Variants in CDYL2 observed in about 807,000 individuals in gnomAD.
CDYL2 encodes chromodomain Y like 2.
CDYL2 carries 23 observed loss-of-function variants against 49.4 expected under a neutral mutation model. That is an observed-to-expected ratio of 0.47 (90% CI 0.34 to 0.66). The LOEUF is 0.66. CDYL2 is among the 30% of genes least tolerant of loss of function. The pLI, the probability that CDYL2 is intolerant of heterozygous loss-of-function variation, is 0.01. For synonymous variants in CDYL2, 360 were observed against 268.8 expected (o/e 1.34, Z -3.32); for missense variants, 678 against 656.4 (o/e 1.03, Z -0.36).
At chr16:80,618,864 G>C (rs1906949166) in intron 4 of CDYL2, among the ~76,000 whole-genome samples, 1 of 152,264 alleles carries the variant, frequency 6.6e-6, no homozygotes, top group African/African-American at 2.4e-5. Flanking sequence ...AGCCTGAAAA[G>C]ATGGGGCTCT....
At chr16:80,766,665 A>T (rs1297298741) in intron 1 of CDYL2, among the ~76,000 whole-genome samples, 1 of 152,226 alleles carries the variant, frequency 6.6e-6, no homozygotes, top group East Asian at 1.9e-4. Context: ...GTCTGAGATG[A>T]CACAACTAAT....
intron 1 of CDYL2, among the ~76,000 whole-genome samples, chr16:80,726,382 A>T (rs1044024452): frequency 6.6e-6 from 1 of 152,238 alleles, no homozygotes; most frequent in African/African-American, 2.4e-5. Context: ...ATCCTACTGT[A>T]ATTTACTATA....
chr16:80,666,357 T>A (rs905220564), intron 2 of CDYL2, among the ~76,000 whole-genome samples: 2 of 152,216 alleles, frequency 1.3e-5, no homozygotes, highest in East Asian at 1.9e-4. Context: ...TATGTTACCA[T>A]CAAGGCAGGT....
intron 2 of CDYL2, among the ~76,000 whole-genome samples, chr16:80,672,986 G>T (rs1909592708): frequency 6.6e-6 from 1 of 152,190 alleles, no homozygotes; most frequent in Non-Finnish European, 1.5e-5. Flanking sequence ...TAAGTGTTTT[G>T]TGTCTTGTAG....
chr16:80,652,814 C>G (rs1426227459), intron 2 of CDYL2, among the ~76,000 whole-genome samples: 1 of 152,186 alleles, frequency 6.6e-6, no homozygotes, highest in Non-Finnish European at 1.5e-5. Flanking sequence ...AAACATCAAA[C>G]AAATCCCAAC....
At chr16:80,739,609 G>A (rs943955690) in intron 1 of CDYL2, among the ~76,000 whole-genome samples, 2 of 152,156 alleles carry the variant, frequency 1.3e-5, no homozygotes, top group Non-Finnish European at 2.9e-5. Context: ...ACACCAGAGA[G>A]ACCCTAGCAC....
Position 80,684,971 on chromosome 16 carries a change from G to T in CDYL2, c.183C>A (p.Ser61=). The T allele has an allele frequency of 6.2e-7, 1 of 1,614,122 alleles. No homozygotes were observed. The highest frequency in any genetic ancestry group is 1.1e-5 in the South Asian group (1 of 91,072). The change falls in exon 2 of 7, where the codon TCC becomes TCA. Residue 61 remains serine (S), a synonymous_variant. Transcript: ENST00000570137. Reference sequence around the variant, plus strand: ...TCCCTGACTTGATCCTCTTGTCCTTGGACATGTGCAACCCATTGAATTCAT... The same window carrying T: ...TCCCTGACTTGATCCTCTTGTCCTTTGACATGTGCAACCCATTGAATTCAT... ...FIDEFNGLHM[S]KDKRIKSGKQ...
rs73583950 is a variant in CDYL2 at position 80,798,651 on chromosome 16, G to C, written c.24+5499C>G. On this transcript the variant is annotated intron_variant, in intron 1 of 6. Coordinates refer to ENST00000570137, the MANE Select transcript of CDYL2 (RefSeq NM_152342.4). ...TTATCAGTAAGACTTCCAGTCAACA[G>C]TATGCTACTAGTAGTTAAGTTTCTG... Among the ~76,000 whole-genome samples the C allele has an allele frequency of 2.8e-3, 429 of 152,242 alleles. 2 individuals carry two copies. Among genetic ancestry groups the C allele is most frequent in the African/African-American group, 9.6e-3 (397 of 41,528 alleles).
At chr16:80,620,636 C>G in intron 4 of CDYL2, 127 bp downstream of exon 4, 1 of 796,460 alleles carries the variant, frequency 1.3e-6, no homozygotes, top group Non-Finnish European at 1.8e-6. Context: ...GAGTATTGCA[C>G]AGGATATACT....
At chr16:80,679,571 A>C (rs920724257) in intron 2 of CDYL2, among the ~76,000 whole-genome samples, 3 of 152,240 alleles carry the variant, frequency 2.0e-5, no homozygotes, top group Non-Finnish European at 4.4e-5. Flanking sequence ...TGAGGATCAC[A>C]CAAGGTACTT....
chr16:80,785,451 G>A (rs183243200), intron 1 of CDYL2, among the ~76,000 whole-genome samples: 12 of 152,098 alleles, frequency 7.9e-5, no homozygotes, highest in East Asian at 7.7e-4. Context: ...ACCACTGCTC[G>A]AGGAAATGAG....
chr16:80,746,289 C>A lies in CDYL2; in HGVS notation c.24+57861G>T, dbSNP rs183745146. On this transcript the variant is annotated intron_variant, in intron 1 of 6. Coordinates refer to ENST00000570137, the MANE Select transcript of CDYL2 (RefSeq NM_152342.4). Reference sequence around the variant, plus strand: ...CATAATAAATTGATACCAAATTATCCTATCCTGCTGACCCAGGGAGATCTG... The same window carrying A: ...CATAATAAATTGATACCAAATTATCATATCCTGCTGACCCAGGGAGATCTG... Among the ~76,000 whole-genome samples, 9 of 152,292 alleles carry A rather than the reference C, an allele frequency of 5.9e-5. No homozygotes were observed. The East Asian group carries it at 1.7e-3, about 29-fold the overall frequency.
rs918695456 is a variant in CDYL2, at chr16:80,748,191, G to C, written c.24+55959C>G. 2.0e-5 allele frequency among the ~76,000 whole-genome samples: 3 copies of C among 148,370 alleles called. No homozygotes were observed. The East Asian group carries it at 5.9e-4, about 29-fold the overall frequency. On this transcript the variant is annotated intron_variant, in intron 1 of 6. Transcript: ENST00000570137. ...ATATAAAGAAAAGAGCATAGGCTTG[G>C]GGCCAGAGGTGTAGGTCTGTGCCCT...
chr16:80,785,323 G>C (rs1555538200), intron 1 of CDYL2, among the ~76,000 whole-genome samples: 1 of 152,086 alleles, frequency 6.6e-6, no homozygotes, highest in Non-Finnish European at 1.5e-5. Flanking sequence ...ACCAATAACA[G>C]ACAAACAGAG....
At chr16:80,742,657 G>C (rs1013909637) in intron 1 of CDYL2, among the ~76,000 whole-genome samples, 3 of 150,242 alleles carry the variant, frequency 2.0e-5, no homozygotes, top group Non-Finnish European at 4.4e-5. Flanking sequence ...GGATAGATAG[G>C]TGGATGGGTA....
chr16:80,622,621 G>C lies in CDYL2; in HGVS notation c.835-1686C>G, dbSNP rs568364981. ...GGGGTATGGTGGACACTCAGTATCT[G>C]CTTGTTTAGTCACACAGAAACTCCC... On this transcript the variant is annotated intron_variant, in intron 3 of 6. Coordinates refer to ENST00000570137, the MANE Select transcript of CDYL2 (RefSeq NM_152342.4). Among the ~76,000 whole-genome samples the C allele has an allele frequency of 2.6e-5, 4 of 152,250 alleles. No homozygotes were observed. In the South Asian group the frequency reaches 6.2e-4, roughly 24 times the overall value.
At chr16:80,720,986 CAG>C (rs1390082813) in intron 1 of CDYL2, among the ~76,000 whole-genome samples, 3 of 152,110 alleles carry the variant, frequency 2.0e-5, no homozygotes, top group African/African-American at 7.2e-5. Flanking sequence ...GAAGTGGCTA[CAG>C]AGAGAAAATA....
At chr16:80,615,633 G>A (rs190035136) in intron 4 of CDYL2, among the ~76,000 whole-genome samples, 1 of 152,276 alleles carries the variant, frequency 6.6e-6, no homozygotes, top group African/African-American at 2.4e-5. Flanking sequence ...GGAATGGACT[G>A]CAGCCCTTGT....
rs1906661825 is a variant in CDYL2, at chr16:80,612,799, T to C, written c.1045A>G (p.Ile349Val). The change falls in exon 5 of 7, where the codon ATC (isoleucine) becomes GTC (valine). Residue 349 changes from isoleucine to valine, a missense_variant. Physicochemically the swap from Ile to Val is conservative, Grantham distance 29. This residue lies in a region of CDYL2 where 47 missense variants were observed against 78.8 expected (regional missense o/e 0.60). Coordinates refer to ENST00000570137, the MANE Select transcript of CDYL2 (RefSeq NM_152342.4). This position sits in a 1 kb window ranked among gnomAD's most constrained non-coding sequence, Gnocchi z 5.0. ...VKAFIQFKKP[I>V]VVAINGPALG... ...GCCGGCCCATTGATGGCCACCACGATAGGCTTCTTAAACTGGATAAAGGCC... is the reference window on the plus strand; with the variant it reads ...GCCGGCCCATTGATGGCCACCACGACAGGCTTCTTAAACTGGATAAAGGCC... The C allele has an allele frequency of 4.3e-6, 7 of 1,613,758 alleles. No individual in the cohort carries two copies. Among genetic ancestry groups the C allele is most frequent in the Non-Finnish European group, 4.2e-6 (5 of 1,179,916 alleles).
Sources: allele counts gnomAD v4.1 joint callset (sites outside exome capture counted in the v4.1 genomes callset), GRCh38; gene constraint gnomAD v4.1.1; regional missense constraint gnomAD v4.1.1; non-coding constraint Gnocchi (gnomAD v3.1); transcripts MANE v1.5; gene names NCBI Gene and HGNC (gene_info 2026-07-23, HGNC 2026-07-21).